Variants in SNTG2 observed in about 807,000 individuals in gnomAD.
SNTG2 encodes the protein gamma-2-syntrophin.
In SNTG2, 74 loss-of-function variants were observed where a neutral mutation model predicts 70.9. The ratio of observed to expected loss-of-function variants is 1.04; its 90% CI spans 0.86 to 1.27. SNTG2 has a LOEUF of 1.27. SNTG2 is among the 50% of genes most tolerant of loss of function. The probability of loss-of-function intolerance (pLI) is 0.00; values close to 1 mark genes in which losing one functional copy is unlikely to be tolerated. For missense variants in SNTG2, 717 were observed against 690.7 expected, an observed-to-expected ratio of 1.04 and a Z score of -0.43; for synonymous variants, 278 against 273.8, an observed-to-expected ratio of 1.02 and a Z score of -0.15.
chr2:1,137,876 G>A (rs1668499773), intron 6 of SNTG2, 67 bp downstream of exon 6: 2 of 1,423,104 alleles, frequency 1.4e-6, no homozygotes, highest in African/African-American at 1.4e-5. Flanking sequence ...TGTCTCTATA[G>A]TTGATATTTC....
At chr2:965,452 G>A (rs1371968130) in intron 1 of SNTG2, among the ~76,000 whole-genome samples, 1 of 150,520 alleles carries the variant, frequency 6.6e-6, no homozygotes, top group African/African-American at 2.4e-5. Flanking sequence ...CCCTGTTCCT[G>A]TTGGTTGCCT....
At chr2:1,050,414 G>T (rs12714388) in intron 1 of SNTG2, among the ~76,000 whole-genome samples, 22,252 of 151,920 alleles carry the variant, frequency 0.15, 2,165 homozygotes, top group African/African-American at 0.27. Context: ...CCTATTTATT[G>T]TAGAGATTAT....
chr2:1,243,599 A>T (rs1197975351), intron 11 of SNTG2, among the ~76,000 whole-genome samples: 2 of 152,172 alleles, frequency 1.3e-5, no homozygotes, highest in African/African-American at 2.4e-5. Context: ...TCTCTCACCC[A>T]TCTGTCCTCT....
At chr2:978,585 C>T (rs559961877) in intron 1 of SNTG2, among the ~76,000 whole-genome samples, 1 of 152,206 alleles carries the variant, frequency 6.6e-6, no homozygotes, top group East Asian at 1.9e-4. Context: ...GGTATTTCCC[C>T]CACGTTTGCT....
chr2:1,334,965 G>A (rs1322548255), intron 16 of SNTG2, among the ~76,000 whole-genome samples: 3 of 152,162 alleles, frequency 2.0e-5, no homozygotes, highest in East Asian at 1.9e-4. Context: ...TGTTCAAAAC[G>A]TGCATGGACA....
chr2:1,266,370 C>G (rs1305570905), intron 13 of SNTG2, among the ~76,000 whole-genome samples: 1 of 152,134 alleles, frequency 6.6e-6, no homozygotes, highest in African/African-American at 2.4e-5. Flanking sequence ...TGGGGAGCTC[C>G]CCAGGCTGCT....
chr2:1,084,320 T>C (rs1386142246), intron 2 of SNTG2, among the ~76,000 whole-genome samples: 1 of 152,194 alleles, frequency 6.6e-6, no homozygotes, highest in Non-Finnish European at 1.5e-5. Context: ...GTTAGCAAAG[T>C]ATGACGGGTT....
chr2:1,182,977 A>ACTCCTGGGCTCAAGCAATC (rs1672015263), intron 8 of SNTG2, among the ~76,000 whole-genome samples: 1 of 151,490 alleles, frequency 6.6e-6, no homozygotes, highest in Non-Finnish European at 1.5e-5. Context: ...CTGGTCTTGA[A>ACTCCTGGGCTCAAGCAATC]CTCCTGGGCT....
At position 1,084,040 on chromosome 2, in the gene SNTG2, C is replaced by CA. The variant is rs111620635; in HGVS notation, c.210+395dup. Among the ~76,000 whole-genome samples the CA allele has an allele frequency of 1.2e-3, 172 of 142,376 alleles. 1 individual carries two copies. The highest frequency in any genetic ancestry group is 2.7e-3 in the African/African-American group (106 of 38,714). The allele number at this position is 142,376 out of a possible 152,430, so 93.4% of individuals were successfully genotyped here. On this transcript the variant is annotated intron_variant, in intron 2 of 16. Coordinates refer to ENST00000308624, the MANE Select transcript of SNTG2 (RefSeq NM_018968.4). ...TGGGCAATAGAGCGAGGCTCCATCT[C>CA]AAAAAAAAAAGGAAAAAAAGAAAAA...
chr2:1,285,310 A>G (rs1034201205), intron 14 of SNTG2, among the ~76,000 whole-genome samples: 2 of 152,178 alleles, frequency 1.3e-5, no homozygotes, highest in African/African-American at 4.8e-5. Flanking sequence ...ATTCAGGATC[A>G]ATATTTTGCA....
At chr2:1,255,836 A>ATATTTATATAT (rs1678033483) in intron 12 of SNTG2, among the ~76,000 whole-genome samples, 5 of 39,600 alleles carry the variant, frequency 1.3e-4, no homozygotes, top group Non-Finnish European at 2.0e-4. Flanking sequence ...ATATATAAAT[A>ATATTTATATAT]TATATAAATA....
intron 16 of SNTG2, among the ~76,000 whole-genome samples, chr2:1,360,900 G>A (rs1399104818): frequency 1.3e-5 from 2 of 152,196 alleles, no homozygotes; most frequent in Admixed American, 1.3e-4. Context: ...TCACCTGCGT[G>A]TCCCAGTGGT....
At chr2:1,250,252 C>G (rs1677674173) in intron 12 of SNTG2, among the ~76,000 whole-genome samples, 1 of 152,212 alleles carries the variant, frequency 6.6e-6, no homozygotes, top group Non-Finnish European at 1.5e-5. Context: ...GGGTTTCTTT[C>G]TTGGTCATTT....
At chr2:964,740 T>G (rs577059470) in intron 1 of SNTG2, among the ~76,000 whole-genome samples, 1 of 152,304 alleles carries the variant, frequency 6.6e-6, no homozygotes, top group South Asian at 2.1e-4. Context: ...GGCTGAGCCC[T>G]GGGCACTCTG....
intron 16 of SNTG2, among the ~76,000 whole-genome samples, chr2:1,351,055 A>T (rs909849176): frequency 6.6e-6 from 1 of 151,886 alleles, no homozygotes; most frequent in Non-Finnish European, 1.5e-5. Context: ...TAAGTGTAGG[A>T]GTTATTTATC....
At position 993,070 on chromosome 2, in the gene SNTG2, CTTTTTT is replaced by C. The variant is rs59134628; in HGVS notation, c.72+42014_72+42019del. ...TCATACAGTTGGTCTTTTGTGGGTT[CTTTTTT>C]TTTTTTTTTTTATTATACTCTAAGT... On this transcript the variant is annotated intron_variant, in intron 1 of 16. Coordinates refer to ENST00000308624, the MANE Select transcript of SNTG2 (RefSeq NM_018968.4). Among the ~76,000 whole-genome samples, 949 of 140,516 alleles carry C rather than the reference CTTTTTT, an allele frequency of 6.8e-3. 14 individuals are homozygous for C. The highest frequency in any genetic ancestry group is 0.023 in the African/African-American group (856 of 37,748). The allele number at this position is 140,516 out of a possible 152,430, so 92.2% of individuals were successfully genotyped here.
At chr2:1,315,517 G>A (rs994771320) in intron 15 of SNTG2, among the ~76,000 whole-genome samples, 4 of 152,072 alleles carry the variant, frequency 2.6e-5, no homozygotes, top group African/African-American at 9.7e-5. Flanking sequence ...ATTTTCCTGG[G>A]AAGATAAATA....
At chr2:1,091,501 G>A (rs1200782351) in intron 2 of SNTG2, among the ~76,000 whole-genome samples, 3 of 152,184 alleles carry the variant, frequency 2.0e-5, no homozygotes, top group African/African-American at 7.2e-5. Context: ...ACATCATAAG[G>A]TCATGGCGGC....
chr2:1,313,154 C>G (rs2148257470), intron 15 of SNTG2, among the ~76,000 whole-genome samples: 1 of 152,190 alleles, frequency 6.6e-6, no homozygotes, highest in Non-Finnish European at 1.5e-5. Context: ...AGAATGTGTT[C>G]CAAAGGAAGT....
Sources: allele counts gnomAD v4.1 joint callset (sites outside exome capture counted in the v4.1 genomes callset), GRCh38; gene constraint gnomAD v4.1.1; transcripts MANE v1.5; gene names NCBI Gene and HGNC (gene_info 2026-07-23, HGNC 2026-07-21).